Variants in SDK1 observed in about 807,000 individuals in gnomAD.
SDK1 encodes the protein protein sidekick-1.
SDK1 carries 157 observed loss-of-function variants against 245.5 expected under a neutral mutation model. The ratio of observed to expected loss-of-function variants is 0.64; its 90% CI spans 0.56 to 0.73. SDK1 has a LOEUF of 0.73. Ranked by LOEUF, SDK1 falls within the 30% of genes least tolerant of loss-of-function variation. The pLI, the probability that SDK1 is intolerant of heterozygous loss-of-function variation, is 0.00. For missense variants in SDK1, 3,583 were observed against 3,002.3 expected (o/e 1.19, Z -4.52); for synonymous variants, 1,647 against 1,278.5 (o/e 1.29, Z -6.15).
intron 17 of SDK1, among the ~76,000 whole-genome samples, chr7:4,027,521 C>T (rs1407911743): frequency 1.3e-5 from 2 of 152,168 alleles, no homozygotes; most frequent in Middle Eastern, 3.2e-3. Flanking sequence ...CTATGAATTG[C>T]TCTCCCAGCA....
Position 3,642,091 on chromosome 7 carries a change from T to C in SDK1, c.699T>C (p.Ile233=). Residue 233 remains isoleucine, a synonymous_variant, in exon 4 of 45, where the codon ATT becomes ATC. Transcript: ENST00000404826. ...GGTTTAGAGAAGGGCACAAGATTAT[T>C]CCAAGCAACAGAATGTAAGTTGCTC... ...VTWFREGHKI[I]PSNRIAITLE... 6.2e-7 allele frequency: 1 copy of C among 1,614,050 alleles called. No individual in the cohort carries two copies. The highest frequency in any genetic ancestry group is 8.5e-7 in the Non-Finnish European group (1 of 1,180,000).
At chr7:3,336,742 T>TAAACAGAAA (rs1246591902) in intron 1 of SDK1, among the ~76,000 whole-genome samples, 1 of 152,176 alleles carries the variant, frequency 6.6e-6, no homozygotes, top group Non-Finnish European at 1.5e-5. Context: ...TAGCTGATCT[T>TAAACAGAAA]ACACAGAGGC....
At chr7:3,391,493 G>A (rs77369109) in intron 1 of SDK1, among the ~76,000 whole-genome samples, 1 of 151,700 alleles carries the variant, frequency 6.6e-6, no homozygotes, top group African/African-American at 2.4e-5. Context: ...TACGTTTTCT[G>A]TTGTAGAATA....
In SDK1 at chr7:4,149,278, C is replaced by A; in HGVS notation, c.4440C>A (p.Pro1480=). The change falls in exon 30 of 45, where the codon CCC becomes CCA. Residue 1480 remains proline (P), a synonymous_variant. Coordinates refer to ENST00000404826, the MANE Select transcript of SDK1 (RefSeq NM_152744.4). ...TTEKRERPAP[P]RELLVPQAEV... ...TGGTTGCAGAGCGGCCGGCACCCCC[C>A]AGAGAGCTCCTGGTGCCCCAGGCAG... The A allele has an allele frequency of 6.5e-7, 1 of 1,543,210 alleles. No individual in the cohort carries two copies. The highest frequency in any genetic ancestry group is 8.7e-7 in the Non-Finnish European group (1 of 1,144,970).
At chr7:3,414,750 C>G (rs982417525) in intron 1 of SDK1, among the ~76,000 whole-genome samples, 2 of 152,220 alleles carry the variant, frequency 1.3e-5, no homozygotes, top group African/African-American at 2.4e-5. Context: ...TCCTACTCCT[C>G]CATTCCCCCA....
chr7:3,568,706 CAGAT>C (rs1780005716), intron 1 of SDK1, among the ~76,000 whole-genome samples: 1 of 152,162 alleles, frequency 6.6e-6, no homozygotes, highest in African/African-American at 2.4e-5. Flanking sequence ...TCTGTGGTGA[CAGAT>C]AGATGTGGCC....
In SDK1 at chr7:3,739,430, G is replaced by C. The variant is rs79059242; in HGVS notation, c.714-82020G>C. ...CATCTTCTATTTCTATTAGTTGTGT[G>C]TTGGCACACCTGTTGGCATCTCATA... On this transcript the variant is annotated intron_variant, in intron 4 of 44. Transcript: ENST00000404826. Among the ~76,000 whole-genome samples the C allele has an allele frequency of 5.8e-3, 879 of 152,028 alleles. 7 individuals carry two copies. Among genetic ancestry groups the C allele is most frequent in the African/African-American group, 0.02 (823 of 41,482 alleles).
intron 1 of SDK1, among the ~76,000 whole-genome samples, chr7:3,313,242 A>C (rs966417595): frequency 5.3e-5 from 8 of 152,212 alleles, no homozygotes; most frequent in African/African-American, 1.9e-4. Flanking sequence ...TGCCATCTTT[A>C]CTAAAAATAC....
chr7:3,409,257 C>G (rs1287297586), intron 1 of SDK1, among the ~76,000 whole-genome samples: 1 of 151,782 alleles, frequency 6.6e-6, no homozygotes, highest in African/African-American at 2.4e-5. Flanking sequence ...TAATCGCCTC[C>G]CCTTTCCCTT....
intron 28 of SDK1, among the ~76,000 whole-genome samples, chr7:4,141,105 C>G (rs966270383): frequency 5.3e-5 from 8 of 152,216 alleles, no homozygotes; most frequent in Admixed American, 2.6e-4. Context: ...AAACAATCCA[C>G]AAACCCGAGG....
chr7:3,910,654 G>C (rs937346895), intron 5 of SDK1, among the ~76,000 whole-genome samples: 1 of 152,134 alleles, frequency 6.6e-6, no homozygotes, highest in Non-Finnish European at 1.5e-5. Flanking sequence ...TCCGGTGATT[G>C]ACAGGTGTAG....
chr7:3,732,916 T>C (rs898178380), intron 4 of SDK1, among the ~76,000 whole-genome samples: 1 of 152,182 alleles, frequency 6.6e-6, no homozygotes, highest in Non-Finnish European at 1.5e-5. Context: ...TGAGTTTATC[T>C]TGAGTGGAAG....
At chr7:3,849,114 A>G (rs1780354888) in intron 5 of SDK1, among the ~76,000 whole-genome samples, 1 of 152,098 alleles carries the variant, frequency 6.6e-6, no homozygotes, top group African/African-American at 2.4e-5. Context: ...TGCCGTCCGA[A>G]CTTTCCCTTT....
At chr7:3,415,128 T>C (rs923749137) in intron 1 of SDK1, among the ~76,000 whole-genome samples, 1 of 152,228 alleles carries the variant, frequency 6.6e-6, no homozygotes, top group African/African-American at 2.4e-5. Context: ...TTTTTATCTT[T>C]TGAGGTTGTA....
intron 4 of SDK1, among the ~76,000 whole-genome samples, chr7:3,731,164 C>T (rs371869581): frequency 2.9e-4 from 44 of 152,132 alleles, no homozygotes; most frequent in East Asian, 5.8e-4. Context: ...GGCAGGGTGA[C>T]GGGCGGAGAG....
intron 1 of SDK1, among the ~76,000 whole-genome samples, chr7:3,565,209 G>A (rs1200149892): frequency 6.6e-6 from 1 of 151,954 alleles, no homozygotes; most frequent in Non-Finnish European, 1.5e-5. Context: ...ATCCGCTGTA[G>A]CAGGAAAATG....
At chr7:3,399,081 C>T (rs995395281) in intron 1 of SDK1, among the ~76,000 whole-genome samples, 1 of 152,108 alleles carries the variant, frequency 6.6e-6, no homozygotes, top group East Asian at 1.9e-4. Context: ...TTTTAGGACC[C>T]CAGTTATGTG....
At chr7:4,028,051 G>C (rs577248939) in intron 17 of SDK1, among the ~76,000 whole-genome samples, 1 of 151,410 alleles carries the variant, frequency 6.6e-6, no homozygotes, top group South Asian at 2.1e-4. Flanking sequence ...GAAGGGAGGA[G>C]AAAATAAGTA....
intron 1 of SDK1, among the ~76,000 whole-genome samples, chr7:3,441,734 A>C (rs1456617344): frequency 6.6e-6 from 1 of 152,196 alleles, no homozygotes; most frequent in Non-Finnish European, 1.5e-5. Context: ...TGGATCTTGT[A>C]AATCAATTTG....
Sources: allele counts gnomAD v4.1 joint callset (sites outside exome capture counted in the v4.1 genomes callset), GRCh38; gene constraint gnomAD v4.1.1; transcripts MANE v1.5; gene names NCBI Gene and HGNC (gene_info 2026-07-23, HGNC 2026-07-21).